Variants in VWA8 observed in about 807,000 individuals in gnomAD.
The protein encoded by VWA8 is von Willebrand factor A domain-containing protein 8.
Under a neutral mutation model 241.5 loss-of-function variants are expected in VWA8, and 221 were observed. The ratio of observed to expected loss-of-function variants is 0.91; its 90% confidence interval spans 0.82 to 1.02. The LOEUF (loss-of-function observed/expected upper bound fraction) is 1.02. Ranked by LOEUF, VWA8 falls within the 50% of genes least tolerant of loss-of-function variation. The probability of loss-of-function intolerance (pLI) is 0.00; values close to 1 mark genes in which losing one functional copy is unlikely to be tolerated. For synonymous variants in VWA8, 852 were observed against 827.1 expected (o/e 1.03, Z -0.52); for missense variants, 2,322 against 2,328.7 (o/e 1.00, Z 0.06).
At chr13:41,759,459 T>C (rs534149244) in intron 21 of VWA8, among the ~76,000 whole-genome samples, 1 of 151,706 alleles carries the variant, frequency 6.6e-6, no homozygotes, top group Non-Finnish European at 1.5e-5. Flanking sequence ...GATGTTATCT[T>C]TTTTATCAAA....
intron 1 of VWA8, among the ~76,000 whole-genome samples, chr13:41,951,066 A>G (rs1383250396): frequency 1.3e-5 from 2 of 152,160 alleles, no homozygotes; most frequent in Non-Finnish European, 2.9e-5. Context: ...CCAGCAACAT[A>G]TCCTCAAACT....
chr13:41,939,881 C>T (rs9525556), intron 2 of VWA8, among the ~76,000 whole-genome samples: 6 of 151,912 alleles, frequency 3.9e-5, no homozygotes, highest in Non-Finnish European at 7.4e-5. Flanking sequence ...AGTGATTCTC[C>T]GTGCTCTAAA....
intron 35 of VWA8, among the ~76,000 whole-genome samples, chr13:41,678,079 C>T (rs1432616159): frequency 6.6e-6 from 1 of 152,158 alleles, no homozygotes; most frequent in African/African-American, 2.4e-5. Flanking sequence ...GAGGCATTCA[C>T]AGTAAAATGA....
intron 21 of VWA8, among the ~76,000 whole-genome samples, chr13:41,758,419 T>C (rs2045713336): frequency 1.5e-5 from 1 of 66,642 alleles, no homozygotes; most frequent in Non-Finnish European, 3.4e-5. Context: ...TATATATATA[T>C]ATATATATAT....
chr13:41,655,580 G>A (rs747705194), intron 37 of VWA8, among the ~76,000 whole-genome samples: 1 of 152,140 alleles, frequency 6.6e-6, no homozygotes, highest in Non-Finnish European at 1.5e-5. Context: ...TATATCTGGG[G>A]ACAGAAATTA....
In VWA8 at chr13:41,947,109, T is replaced by C. The variant is rs550802063; in HGVS notation, c.241+2827A>G. On this transcript the variant is annotated intron_variant, in intron 2 of 44. Coordinates refer to ENST00000379310, the MANE Select transcript of VWA8 (RefSeq NM_015058.2). ...CAACTCCCACACTGTTCCTTGGCTA[T>C]AAACTACCACTTGCCCATGCTGCAT... 2.0e-5 allele frequency among the ~76,000 whole-genome samples: 3 copies of C among 152,350 alleles called. No homozygotes were observed. The East Asian group carries it at 5.8e-4, about 29-fold the overall frequency.
intron 14 of VWA8, among the ~76,000 whole-genome samples, chr13:41,823,063 TG>T (rs1871029862): frequency 6.6e-6 from 1 of 152,202 alleles, no homozygotes; most frequent in African/African-American, 2.4e-5. Context: ...TAAGGCTTTT[TG>T]TTTTGAAAAT....
rs143413855 is a variant in VWA8, at chr13:41,743,259, G to A, written c.2427-11104C>T. On this transcript the variant is annotated intron_variant, in intron 21 of 44. Coordinates refer to ENST00000379310, the MANE Select transcript of VWA8 (RefSeq NM_015058.2). Reference sequence around the variant, plus strand: ...AAGGCATGGAAAGGAGAGATCAGAGGCTGAGTTCTTAACCAGGAGGCTACT... The same window carrying A: ...AAGGCATGGAAAGGAGAGATCAGAGACTGAGTTCTTAACCAGGAGGCTACT... 6.0e-3 allele frequency among the ~76,000 whole-genome samples: 917 copies of A among 152,298 alleles called. 2 individuals are homozygous for A. Among genetic ancestry groups the A allele is most frequent in the Non-Finnish European group, 0.01 (698 of 68,032 alleles).
rs1330320897 is a variant in VWA8 at position 41,689,457 on chromosome 13, T to C, written c.4028A>G (p.Glu1343Gly). Residue 1343 changes from glutamate (E) to glycine (G), a missense_variant, in exon 34 of 45, where the codon GAA becomes GGA. Physicochemically the swap from Glu to Gly is moderately conservative, Grantham distance 98. Transcript: ENST00000379310. ...TTGTTCCACAGCTGAACTTAGATGT[T>C]CAGATGATAGTTGATCACTGGAAAT... ...HKISSDQLSS[E>G]HLSSAVEQKI... 6.2e-7 allele frequency: 1 copy of C among 1,611,912 alleles called. No homozygotes were observed.
Position 41,732,174 on chromosome 13 carries a change from AT to A in VWA8, c.2427-20del, listed in dbSNP as rs770604522. ...GGTATCCCTAAAGTAAAACCAACACATTTTATAGTTAGGAAGGAAATAAGCT... is the reference window on the plus strand; with the variant it reads ...GGTATCCCTAAAGTAAAACCAACACATTTATAGTTAGGAAGGAAATAAGCT... On this transcript the variant is annotated intron_variant, in intron 21 of 44. Coordinates refer to ENST00000379310, the MANE Select transcript of VWA8 (RefSeq NM_015058.2). 5 of 1,601,274 alleles carry A rather than the reference AT, an allele frequency of 3.1e-6. No individual in the cohort carries two copies. The South Asian group carries it at 4.5e-5, about 14-fold the overall frequency.
intron 4 of VWA8, 36 bp downstream of exon 4, chr13:41,907,550 G>T (rs111445805): frequency 1.9e-6 from 3 of 1,569,228 alleles, no homozygotes; most frequent in Non-Finnish European, 2.6e-6. Flanking sequence ...TAGACCTGGA[G>T]TACACAGTCA....
At chr13:41,843,340 A>C (rs898919477) in intron 12 of VWA8, among the ~76,000 whole-genome samples, 1 of 152,222 alleles carries the variant, frequency 6.6e-6, no homozygotes, top group Non-Finnish European at 1.5e-5. Flanking sequence ...GTAGCAATAA[A>C]TTCTAGTTTA....
At chr13:41,879,126 G>A (rs369351933) in intron 9 of VWA8, among the ~76,000 whole-genome samples, 345 of 152,120 alleles carry the variant, frequency 2.3e-3, no homozygotes, top group South Asian at 5.2e-3. Flanking sequence ...ACTCTACTTC[G>A]ATGACCAATG....
chr13:41,570,788 G>A (rs2044296369), intron 43 of VWA8, 82 bp from the exon 44 acceptor site: 4 of 1,213,924 alleles, frequency 3.3e-6, no homozygotes, highest in Non-Finnish European at 4.7e-6. Flanking sequence ...TATTGACCAT[G>A]AGCATGCATA....
chr13:41,857,715 C>T (rs1238006185), intron 12 of VWA8, among the ~76,000 whole-genome samples: 2 of 152,124 alleles, frequency 1.3e-5, no homozygotes, highest in South Asian at 2.1e-4. Context: ...AATGTCACTT[C>T]AAATTAGAAA....
intron 12 of VWA8, among the ~76,000 whole-genome samples, chr13:41,834,882 C>T (rs899586785): frequency 4.6e-5 from 7 of 152,138 alleles, no homozygotes; most frequent in East Asian, 3.9e-4. Flanking sequence ...ACATACACAC[C>T]GTGGAATACT....
chr13:41,867,101 G>A (rs749837919), intron 10 of VWA8, among the ~76,000 whole-genome samples: 1 of 152,116 alleles, frequency 6.6e-6, no homozygotes, highest in Non-Finnish European at 1.5e-5. Context: ...AGAGACTAGA[G>A]GCAATGAGGT....
At chr13:41,764,381 T>C (rs747769680) in intron 20 of VWA8, among the ~76,000 whole-genome samples, 1 of 152,136 alleles carries the variant, frequency 6.6e-6, no homozygotes, top group Non-Finnish European at 1.5e-5. Flanking sequence ...CATCAATTAT[T>C]TGAGCACCTA....
At chr13:41,809,313 A>C (rs1003383035) in intron 17 of VWA8, among the ~76,000 whole-genome samples, 1 of 152,212 alleles carries the variant, frequency 6.6e-6, no homozygotes, top group African/African-American at 2.4e-5. Context: ...CATCTTGAGC[A>C]AAAAGAACAA....
Sources: gnomAD v4.1 joint callset for allele counts (sites outside exome capture counted in the v4.1 genomes callset) on GRCh38, gnomAD v4.1.1 for gene constraint, MANE v1.5 for transcripts, NCBI Gene and HGNC (gene_info 2026-07-23, HGNC 2026-07-21) for gene names.